PACS1: variants seen among roughly 807,000 people sequenced by gnomAD.
The protein encoded by PACS1 is PACS-1.
In PACS1, 24 loss-of-function variants were observed where a neutral mutation model predicts 115.0. The observed-to-expected ratio is 0.21, with a 90% CI of 0.15 to 0.29. The LOEUF is 0.29. Ranked by LOEUF, PACS1 falls within the 10% of genes least tolerant of loss-of-function variation. The pLI is 1.00. For missense variants in PACS1, 838 were observed against 1,251.2 expected, an observed-to-expected ratio of 0.67 and a Z score of 4.98; for synonymous variants, 453 against 504.5, an observed-to-expected ratio of 0.90 and a Z score of 1.37.
rs1855873712 is a variant in PACS1, at chr11:66,244,171, G to A, written c.*891G>A. On this transcript the variant is annotated 3_prime_UTR_variant, in exon 24 of 24. Transcript: ENST00000320580. ...CCCAGCACAGCTCTGCCTGGACTTG[G>A]AGAGATGGGAGGCAGACCCCCACCA... 1 of 152,124 alleles carries A rather than the reference G, an allele frequency of 6.6e-6. No homozygotes were observed. The highest frequency in any genetic ancestry group is 1.5e-5 in the Non-Finnish European group (1 of 68,042). The allele number at this position is 152,124 out of a possible 1,614,324, so 9.4% of individuals were successfully genotyped here.
At chr11:66,216,089 C>T in intron 4 of PACS1, 30 bp from the exon 5 acceptor site, 6 of 1,612,286 alleles carry the variant, frequency 3.7e-6, no homozygotes, top group Non-Finnish European at 5.1e-6. Context: ...TCTGTAGTAA[C>T]ACGCCTCCAC....
At chr11:66,135,964 C>G (rs1259572707) in intron 1 of PACS1, among the ~76,000 whole-genome samples, 9 of 152,140 alleles carry the variant, frequency 5.9e-5, no homozygotes, top group Non-Finnish European at 1.3e-4. Context: ...GCCTCCTGCG[C>G]TCCTCTTAAC....
chr11:66,222,274 T>C (rs1420694474), intron 10 of PACS1, among the ~76,000 whole-genome samples: 1 of 152,070 alleles, frequency 6.6e-6, no homozygotes, highest in Non-Finnish European at 1.5e-5. Context: ...GAGGCCCTAG[T>C]AGGCTTTATT....
intron 4 of PACS1, among the ~76,000 whole-genome samples, chr11:66,213,582 C>T (rs1015317699): frequency 5.9e-5 from 9 of 152,248 alleles, no homozygotes; most frequent in Non-Finnish European, 1.3e-4. Context: ...TGTCTGTATG[C>T]ACACATGTGC....
At position 66,162,112 on chromosome 11, in the gene PACS1, G is replaced by GTTTTTTTTTTTTTTTTTTT. The variant is rs58980906; in HGVS notation, c.357-31361_357-31343dup. 3.6e-5 allele frequency among the ~76,000 whole-genome samples: 2 copies of GTTTTTTTTTTTTTTTTTTT among 56,320 alleles called. 1 individual carries two copies. 36.9% of individuals were successfully genotyped at this position (56,320 alleles called of 152,430 possible). A position where few individuals can be genotyped will look rare whatever the true frequency, so the allele number is the denominator to read the frequency against. Reference sequence around the variant, plus strand: ...ATGTTTTCTGTTGGTGGTGGTGGTGGTTTTTTTTTTTTTTTTTTTTTTTTT... The same window carrying GTTTTTTTTTTTTTTTTTTT: ...ATGTTTTCTGTTGGTGGTGGTGGTGGTTTTTTTTTTTTTTTTTTTTTTTTTTTTTTTTTTTTTTTTTTTT... On this transcript the variant is annotated intron_variant, in intron 1 of 23. Transcript: ENST00000320580.
chr11:66,088,844 T>C (rs1373310534), intron 1 of PACS1, among the ~76,000 whole-genome samples: 10 of 152,232 alleles, frequency 6.6e-5, no homozygotes, highest in Non-Finnish European at 1.3e-4. Context: ...GTGCAGATAA[T>C]TGAAATCTTT....
chr11:66,177,497 G>T (rs1222989024), intron 1 of PACS1, among the ~76,000 whole-genome samples: 1 of 152,106 alleles, frequency 6.6e-6, no homozygotes, highest in African/African-American at 2.4e-5. Context: ...GGCCAAAATA[G>T]ATAATTTCTG....
intron 1 of PACS1, among the ~76,000 whole-genome samples, chr11:66,146,771 G>A (rs1859133448): frequency 6.6e-6 from 1 of 152,204 alleles, no homozygotes; most frequent in African/African-American, 2.4e-5. Flanking sequence ...AAGAGGCTGG[G>A]TGTAGTGGCT....
In PACS1 at chr11:66,221,138, G is replaced by A. The variant is rs1409914544; in HGVS notation, c.1200-16G>A. 4 of 1,611,696 alleles carry A rather than the reference G, an allele frequency of 2.5e-6. No individual in the cohort carries two copies. In the South Asian group the frequency reaches 3.3e-5, roughly 13 times the overall value. On this transcript the variant is annotated splice_polypyrimidine_tract_variant and intron_variant, in intron 9 of 23. Transcript: ENST00000320580. The stretch of plus-strand genomic sequence containing the variant: ...AGCCCTGGCAGCACTGACCCTGGCT[G>A]TGCTCTTCACCACAGGCCTTTCTTT...
intron 1 of PACS1, among the ~76,000 whole-genome samples, chr11:66,130,972 G>A (rs1858687460): frequency 2.0e-5 from 3 of 152,168 alleles, no homozygotes; most frequent in Non-Finnish European, 2.9e-5. Flanking sequence ...TTGAGAGACT[G>A]GGGTGGGAGG....
intron 2 of PACS1, among the ~76,000 whole-genome samples, chr11:66,198,499 A>T (rs1187873406): frequency 2.6e-5 from 4 of 152,168 alleles, no homozygotes; most frequent in Admixed American, 2.6e-4. Context: ...GAAAGAAGCA[A>T]GACACAAAAA....
intron 1 of PACS1, among the ~76,000 whole-genome samples, chr11:66,143,558 A>T (rs1859050555): frequency 6.6e-6 from 1 of 152,222 alleles, no homozygotes; most frequent in Non-Finnish European, 1.5e-5. Flanking sequence ...GGAAGAAATG[A>T]ATGGGAAATT....
intron 1 of PACS1, among the ~76,000 whole-genome samples, chr11:66,132,730 G>A (rs749254057): frequency 5.9e-5 from 9 of 152,098 alleles, no homozygotes; most frequent in Non-Finnish European, 5.9e-5. Context: ...GTGCAGTGGT[G>A]GGATCTCTGC....
At chr11:66,157,336 G>T (rs1455586008) in intron 1 of PACS1, among the ~76,000 whole-genome samples, 2 of 152,162 alleles carry the variant, frequency 1.3e-5, no homozygotes, top group African/African-American at 4.8e-5. Context: ...GTGCATATAT[G>T]ATGAGTCATT....
Position 66,243,855 on chromosome 11 carries a change from C to T in PACS1, c.*575C>T, listed in dbSNP as rs893100407. ...CCCTGAGCCCACAGGACCCCTACTT[C>T]ACAGCTCACAGGGGCAGGAGGCAGC... On this transcript the variant is annotated 3_prime_UTR_variant, in exon 24 of 24. Transcript: ENST00000320580. 6.5e-6 allele frequency: 1 copy of T among 152,926 alleles called. No individual in the cohort carries two copies. Among genetic ancestry groups the T allele is most frequent in the African/African-American group, 2.4e-5 (1 of 41,472 alleles). 9.5% of individuals were successfully genotyped at this position (152,926 alleles called of 1,614,324 possible).
chr11:66,217,434 A>G (rs1855239238), intron 7 of PACS1: 1 of 401,940 alleles, frequency 2.5e-6, no homozygotes, highest in Non-Finnish European at 5.1e-6. Context: ...TGGGAGGGCC[A>G]GAAGTGCTGG....
rs1857289904 is a variant in PACS1, at chr11:66,070,587, C to A, written c.101C>A (p.Pro34Gln). 3 of 1,493,946 alleles carry A rather than the reference C, an allele frequency of 2.0e-6. No homozygotes were observed. The highest frequency in any genetic ancestry group is 2.7e-6 in the Non-Finnish European group (3 of 1,128,096). 92.5% of individuals were successfully genotyped at this position (1,493,946 alleles called of 1,614,324 possible). ...GVAQSPQQPP[P>Q]QQQQQQPPQQ... The stretch of plus-strand genomic sequence containing the variant: ...GCCCAGTCCCCTCAGCAGCCGCCGC[C>A]GCAGCAGCAGCAGCAGCAGCCGCCG... Residue 34 changes from proline (P) to glutamine (Q), a missense_variant, in exon 1 of 24, where the codon CCG becomes CAG. Pro to Gln is a moderately conservative substitution (Grantham distance 76). This residue lies in a region of PACS1 where 129 missense variants were observed against 109.4 expected (regional missense o/e 1.18). Coordinates refer to ENST00000320580, the MANE Select transcript of PACS1 (RefSeq NM_018026.4). The surrounding 1 kb of genome is among the most constrained non-coding windows in gnomAD (Gnocchi z 5.9).
intron 1 of PACS1, among the ~76,000 whole-genome samples, chr11:66,110,937 GTA>G (rs1351255230): frequency 6.6e-6 from 1 of 152,174 alleles, no homozygotes; most frequent in African/African-American, 2.4e-5. Context: ...CCAAGTCTAA[GTA>G]AAATTGATCT....
intron 20 of PACS1, 100 bp downstream of exon 20, chr11:66,238,946 G>A: frequency 1.4e-6 from 2 of 1,388,554 alleles, no homozygotes. Context: ...ATGCCCTGAG[G>A]GAAGTCAGAG....
Sources: gnomAD v4.1 joint callset for allele counts (sites outside exome capture counted in the v4.1 genomes callset) on GRCh38, gnomAD v4.1.1 for gene constraint, gnomAD v4.1.1 regional missense constraint, Gnocchi (gnomAD v3.1) non-coding constraint, MANE v1.5 for transcripts, NCBI Gene and HGNC (gene_info 2026-07-23, HGNC 2026-07-21) for gene names.